The following CHRNA7 variants were observed in gnomAD, a reference collection of about 807,000 sequenced individuals.
CHRNA7 encodes the protein cholinergic receptor nicotinic alpha 7 subunit.
In CHRNA7, 17 loss-of-function variants were observed where a neutral mutation model predicts 48.0. That is an observed-to-expected ratio of 0.35 (90% CI 0.24 to 0.53). The LOEUF (loss-of-function observed/expected upper bound fraction) is 0.53, where lower values mean the gene tolerates loss of function less well. CHRNA7 is among the 20% of genes least tolerant of loss of function. The pLI is 0.92. For missense variants in CHRNA7, 155 were observed against 577.7 expected (o/e 0.27, Z 7.50); for synonymous variants, 75 against 242.3 (o/e 0.31, Z 6.41).
chr15:32,147,142 A>G (rs932214982), intron 4 of CHRNA7, among the ~76,000 whole-genome samples: 1 of 152,230 alleles, frequency 6.6e-6, no homozygotes, highest in Non-Finnish European at 1.5e-5. Flanking sequence ...GTTACATTCA[A>G]TTTAATATGC....
chr15:32,117,141 T>C (rs2050886547), intron 4 of CHRNA7, among the ~76,000 whole-genome samples: 1 of 151,912 alleles, frequency 6.6e-6, no homozygotes. Flanking sequence ...GGGAGTGAGA[T>C]AGGGAGGGCA....
intron 2 of CHRNA7, among the ~76,000 whole-genome samples, chr15:32,097,264 G>A (rs923032964): frequency 6.6e-6 from 1 of 152,164 alleles, no homozygotes; most frequent in African/African-American, 2.4e-5. Flanking sequence ...CAGGGGGGCA[G>A]CTTGAGGATC....
At chr15:32,115,859 G>A (rs1049313223) in intron 4 of CHRNA7, among the ~76,000 whole-genome samples, 6 of 152,072 alleles carry the variant, frequency 3.9e-5, no homozygotes, top group African/African-American at 1.4e-4. Context: ...AATACAGTGC[G>A]GCTAAGAACA....
At chr15:32,042,954 T>C (rs2049474883) in intron 2 of CHRNA7, among the ~76,000 whole-genome samples, 1 of 152,202 alleles carries the variant, frequency 6.6e-6, no homozygotes, top group South Asian at 2.1e-4. Context: ...AATCAAGAAG[T>C]TGAAAATCAA....
chr15:32,117,221 G>A (rs1328331779), intron 4 of CHRNA7, among the ~76,000 whole-genome samples: 2 of 152,200 alleles, frequency 1.3e-5, no homozygotes, highest in African/African-American at 2.4e-5. Flanking sequence ...TCCTACTGGG[G>A]AGCTCTGGGA....
intron 2 of CHRNA7, among the ~76,000 whole-genome samples, chr15:32,055,454 C>T (rs12904551): frequency 0.6 from 91,669 of 152,070 alleles, 31,720 homozygotes; most frequent in Non-Finnish European, 0.77. Context: ...TGCTTCACAA[C>T]GTGGTGGAAG....
At chr15:32,074,611 G>A (rs925085273) in intron 2 of CHRNA7, among the ~76,000 whole-genome samples, 7 of 143,404 alleles carry the variant, frequency 4.9e-5, no homozygotes, top group African/African-American at 1.3e-4. Flanking sequence ...TTTTTTCTGC[G>A]GCTCTTGATA....
intron 2 of CHRNA7, among the ~76,000 whole-genome samples, chr15:32,054,328 A>T (rs1269541732): frequency 1.3e-5 from 2 of 152,176 alleles, no homozygotes; most frequent in Non-Finnish European, 2.9e-5. Flanking sequence ...GTCAGGAAAC[A>T]GTTTGTTTAA....
intron 4 of CHRNA7, among the ~76,000 whole-genome samples, chr15:32,125,091 A>G (rs770480699): frequency 5.9e-5 from 9 of 152,232 alleles, no homozygotes; most frequent in Non-Finnish European, 1.2e-4. Flanking sequence ...AGATATCTAA[A>G]TATTACGAGA....
intron 2 of CHRNA7, among the ~76,000 whole-genome samples, chr15:32,078,523 T>G (rs2050167825): frequency 6.6e-6 from 1 of 151,954 alleles, no homozygotes; most frequent in Non-Finnish European, 1.5e-5. Flanking sequence ...ATTACTTTAT[T>G]TAAAACTAGA....
intron 2 of CHRNA7, among the ~76,000 whole-genome samples, chr15:32,090,695 T>C (rs2050369594): frequency 6.6e-6 from 1 of 152,120 alleles, no homozygotes; most frequent in Non-Finnish European, 1.5e-5. Context: ...TGATTAATTC[T>C]AAGCTATTTA....
intron 4 of CHRNA7, among the ~76,000 whole-genome samples, chr15:32,143,380 A>G (rs1464953460): frequency 1.3e-5 from 2 of 152,234 alleles, no homozygotes; most frequent in African/African-American, 2.4e-5. Context: ...TGTGGTGCTG[A>G]GAAGAATGCA....
intron 2 of CHRNA7, among the ~76,000 whole-genome samples, chr15:32,079,033 A>G (rs904592998): frequency 2.0e-5 from 3 of 152,236 alleles, no homozygotes; most frequent in Non-Finnish European, 1.5e-5. Context: ...TCACATACAC[A>G]GAACTAAAGA....
At chr15:32,109,808 A>G (rs2050732786) in intron 3 of CHRNA7, among the ~76,000 whole-genome samples, 1 of 152,204 alleles carries the variant, frequency 6.6e-6, no homozygotes, top group East Asian at 1.9e-4. Flanking sequence ...CTGGACTAGC[A>G]TAAAGGCTGT....
intron 3 of CHRNA7, among the ~76,000 whole-genome samples, chr15:32,108,861 A>G (rs954435173): frequency 6.6e-6 from 1 of 152,178 alleles, no homozygotes; most frequent in Non-Finnish European, 1.5e-5. Context: ...GGTACATGTA[A>G]GGAAACTGCA....
At chr15:32,105,744 G>A (rs1245070406) in intron 3 of CHRNA7, among the ~76,000 whole-genome samples, 3 of 152,152 alleles carry the variant, frequency 2.0e-5, no homozygotes, top group African/African-American at 7.2e-5. Flanking sequence ...GGTGCCTACC[G>A]ATTGAGAAAC....
intron 4 of CHRNA7, among the ~76,000 whole-genome samples, chr15:32,129,929 T>C (rs2051128151): frequency 6.6e-6 from 1 of 152,018 alleles, no homozygotes; most frequent in South Asian, 2.1e-4. Context: ...TGTATTTTTT[T>C]CCATTTCCTT....
Position 32,136,053 on chromosome 15 carries a change from G to A in CHRNA7, c.351-17854G>A, listed in dbSNP as rs961602847. Among the ~76,000 whole-genome samples, 4 of 152,152 alleles carry A rather than the reference G, an allele frequency of 2.6e-5. No homozygotes were observed. In the East Asian group the frequency reaches 7.7e-4, roughly 29 times the overall value. ...ATACTAAAGGAGTTTACCGTGCAGG[G>A]GCTGTGCTACTATTTTAAAAAACTA... On this transcript the variant is annotated intron_variant, in intron 4 of 9. Transcript: ENST00000306901.
At chr15:32,104,420 C>T (rs1004191146) in intron 3 of CHRNA7, among the ~76,000 whole-genome samples, 4 of 152,098 alleles carry the variant, frequency 2.6e-5, no homozygotes, top group African/African-American at 7.2e-5. Context: ...ATGTACTGTC[C>T]CAAACCCTCC....
Sources: allele counts gnomAD v4.1 joint callset (sites outside exome capture counted in the v4.1 genomes callset), GRCh38; gene constraint gnomAD v4.1.1; transcripts MANE v1.5; gene names NCBI Gene and HGNC (gene_info 2026-07-23, HGNC 2026-07-21).